PRKACB: variants seen among roughly 807,000 people sequenced by gnomAD.
PRKACB encodes cAMP-dependent protein kinase catalytic subunit beta.
In PRKACB, 16 loss-of-function variants were observed where a neutral mutation model predicts 51.4. The observed-to-expected ratio is 0.31, with a 90% confidence interval of 0.21 to 0.47. PRKACB has a LOEUF of 0.47. Ranked by LOEUF, PRKACB falls within the 20% of genes least tolerant of loss-of-function variation. The pLI, the probability that PRKACB is intolerant of heterozygous loss-of-function variation, is 1.00. For missense variants in PRKACB, 309 were observed against 464.5 expected, an observed-to-expected ratio of 0.67 and a Z score of 3.08; for synonymous variants, 147 against 154.4, an observed-to-expected ratio of 0.95 and a Z score of 0.35.
intron 1 of PRKACB, among the ~76,000 whole-genome samples, chr1:84,101,075 C>T (rs1649316553): frequency 6.6e-6 from 1 of 152,102 alleles, no homozygotes; most frequent in Non-Finnish European, 1.5e-5. Context: ...AGAGTTACAC[C>T]AGAGAAACAG....
chr1:84,090,800 G>A (rs1165029139), intron 1 of PRKACB, among the ~76,000 whole-genome samples: 4 of 152,112 alleles, frequency 2.6e-5, no homozygotes, highest in African/African-American at 9.7e-5. Context: ...ACTTAAATGA[G>A]TCTGTATCAA....
intron 8 of PRKACB, among the ~76,000 whole-genome samples, chr1:84,208,015 G>GCA (rs1252174472): frequency 6.6e-6 from 1 of 152,010 alleles, no homozygotes; most frequent in Non-Finnish European, 1.5e-5. Flanking sequence ...CTACAGGCAT[G>GCA]TGCCACCACG....
intron 1 of PRKACB, among the ~76,000 whole-genome samples, chr1:84,150,033 G>A (rs891515150): frequency 6.6e-6 from 1 of 152,178 alleles, no homozygotes; most frequent in African/African-American, 2.4e-5. Flanking sequence ...GGGAGGCTGA[G>A]GTGGGCAGAT....
At chr1:84,160,732 CT>C (rs1290550063) in intron 1 of PRKACB, among the ~76,000 whole-genome samples, 1 of 150,908 alleles carries the variant, frequency 6.6e-6, no homozygotes, top group African/African-American at 2.4e-5. Context: ...AAAATATTTT[CT>C]AATTTCCCTT....
chr1:84,152,291 G>T (rs1199622355), intron 1 of PRKACB, among the ~76,000 whole-genome samples: 1 of 152,150 alleles, frequency 6.6e-6, no homozygotes, highest in African/African-American at 2.4e-5. Context: ...AGGTAGAGTA[G>T]ATTTAGCATA....
upstream of PRKACB, among the ~76,000 whole-genome samples, chr1:84,141,683 T>C (rs1390600426): frequency 1.3e-5 from 2 of 152,160 alleles, no homozygotes; most frequent in Non-Finnish European, 2.9e-5. Flanking sequence ...GTTAGGAATC[T>C]GCAACTTCTG....
chr1:84,120,472 C>T (rs572604195), intron 1 of PRKACB, among the ~76,000 whole-genome samples: 77 of 151,896 alleles, frequency 5.1e-4, no homozygotes, highest in Non-Finnish European at 9.7e-4. Context: ...GGTAGTAGAG[C>T]GCCTCAAAAA....
chr1:84,159,533 G>C (rs1230580666), intron 1 of PRKACB, among the ~76,000 whole-genome samples: 2 of 151,868 alleles, frequency 1.3e-5, no homozygotes, highest in African/African-American at 4.8e-5. Context: ...TCTACATATA[G>C]AATAATTTCA....
intron 1 of PRKACB, among the ~76,000 whole-genome samples, chr1:84,096,740 T>C (rs1648953625): frequency 6.6e-6 from 1 of 152,134 alleles, no homozygotes; most frequent in Non-Finnish European, 1.5e-5. Flanking sequence ...TAGTATTTTT[T>C]CTTTTTGTAA....
intron 1 of PRKACB, among the ~76,000 whole-genome samples, chr1:84,122,650 G>A (rs1437962797): frequency 6.6e-6 from 1 of 152,106 alleles, no homozygotes. Context: ...AATGTAATGT[G>A]ACGTTTACTA....
rs1387717896 is a variant in PRKACB at position 84,186,441 on chromosome 1, A to G, written c.560+1259A>G. On this transcript the variant is annotated intron_variant, in intron 5 of 9. Coordinates refer to ENST00000370685, the MANE Select transcript of PRKACB (RefSeq NM_182948.4). ...ACCGTGTTGGCCAGGCTGGTCTCGAACTCCTGATCTCAAGTGATCCACCCT... is the reference window on the plus strand; with the variant it reads ...ACCGTGTTGGCCAGGCTGGTCTCGAGCTCCTGATCTCAAGTGATCCACCCT... Among the ~76,000 whole-genome samples, 3 of 151,666 alleles carry G rather than the reference A, an allele frequency of 2.0e-5. No individual in the cohort carries two copies. In the East Asian group the frequency reaches 5.9e-4, roughly 30 times the overall value.
chr1:84,117,381 A>T (rs1355475542), intron 1 of PRKACB, among the ~76,000 whole-genome samples: 2 of 152,160 alleles, frequency 1.3e-5, no homozygotes. Flanking sequence ...GATTGGTATT[A>T]GTTATCCTTA....
At chr1:84,122,062 AG>A (rs1457942485) in intron 1 of PRKACB, among the ~76,000 whole-genome samples, 1 of 152,038 alleles carries the variant, frequency 6.6e-6, no homozygotes, top group African/African-American at 2.4e-5. Context: ...TAAGTCTCTG[AG>A]TGGTTTCCTT....
rs543233839 is a variant in PRKACB at position 84,181,654 on chromosome 1, T to C, written c.250-546T>C. 2.7e-6 allele frequency: 4 copies of C among 1,477,538 alleles called. No individual in the cohort carries two copies. In the African/African-American group the frequency reaches 4.3e-5, roughly 16 times the overall value. 91.5% of individuals were successfully genotyped at this position (1,477,538 alleles called of 1,614,324 possible). On this transcript the variant is annotated intron_variant, in intron 2 of 9. Transcript: ENST00000370685. Reference sequence around the variant, plus strand: ...ATATAAAGAGAGAAAGCCACTAGGCTCTCTCATGCTGCTACTATCTAGTTC... The same window carrying C: ...ATATAAAGAGAGAAAGCCACTAGGCCCTCTCATGCTGCTACTATCTAGTTC...
At chr1:84,215,485 T>A (rs1672752250) in intron 9 of PRKACB, among the ~76,000 whole-genome samples, 1 of 152,192 alleles carries the variant, frequency 6.6e-6, no homozygotes, top group Non-Finnish European at 1.5e-5. Flanking sequence ...TGGTCTTTTG[T>A]TTGACTCTTT....
At chr1:84,196,192 G>C (rs896732917) in intron 5 of PRKACB, among the ~76,000 whole-genome samples, 2 of 152,098 alleles carry the variant, frequency 1.3e-5, no homozygotes, top group Non-Finnish European at 2.9e-5. Flanking sequence ...CTTCTACATA[G>C]GGAAATTCTA....
chr1:84,220,830 G>A (rs983103455), intron 9 of PRKACB, among the ~76,000 whole-genome samples: 1 of 152,148 alleles, frequency 6.6e-6, no homozygotes, highest in Admixed American at 6.5e-5. Context: ...TGTGTTGTTG[G>A]ATTTTTGTTA....
At chr1:84,230,938 T>A (rs1454286331) in intron 9 of PRKACB, among the ~76,000 whole-genome samples, 8 of 142,658 alleles carry the variant, frequency 5.6e-5, no homozygotes, top group Non-Finnish European at 9.0e-5. Flanking sequence ...TCCTGCCTAA[T>A]TGCCCTGGCC....
intron 6 of PRKACB, 43 bp downstream of exon 6, chr1:84,196,785 C>G: frequency 6.5e-7 from 1 of 1,533,860 alleles, no homozygotes; most frequent in Non-Finnish European, 8.8e-7. Context: ...TGAGAAAATA[C>G]TAGGCAAGAC....
Sources: gnomAD v4.1 joint callset for allele counts (sites outside exome capture counted in the v4.1 genomes callset) on GRCh38, gnomAD v4.1.1 for gene constraint, MANE v1.5 for transcripts, NCBI Gene and HGNC (gene_info 2026-07-23, HGNC 2026-07-21) for gene names.